The following MELK variants were observed in gnomAD, a reference collection of about 807,000 sequenced individuals.
The protein encoded by MELK is maternal embryonic leucine zipper kinase, also known as pEg3 kinase.
In MELK, 81 loss-of-function variants were observed where a neutral mutation model predicts 85.0. The observed-to-expected ratio is 0.95, with a 90% confidence interval of 0.80 to 1.15. The LOEUF (loss-of-function observed/expected upper bound fraction) is 1.15. MELK is among the 50% of genes most tolerant of loss of function. MELK has a pLI of 0.00. For missense variants in MELK, 754 were observed against 777.5 expected (o/e 0.97, Z 0.36); for synonymous variants, 252 against 265.0 (o/e 0.95, Z 0.48).
chr9:36,643,280 G>A (rs1288083281), intron 11 of MELK, among the ~76,000 whole-genome samples, 197 bp downstream of exon 11: 1 of 152,152 alleles, frequency 6.6e-6, no homozygotes, highest in Non-Finnish European at 1.5e-5. Flanking sequence ...CTACTTGGGA[G>A]GCTGAGGCAC....
intron 12 of MELK, among the ~76,000 whole-genome samples, chr9:36,654,113 A>G (rs1004606318): frequency 6.6e-6 from 1 of 152,142 alleles, no homozygotes; most frequent in African/African-American, 2.4e-5. Flanking sequence ...GGCTCCTTGA[A>G]TCAGCCAATC....
At chr9:36,601,230 AT>A (rs1824888612) in intron 7 of MELK, among the ~76,000 whole-genome samples, 1 of 152,012 alleles carries the variant, frequency 6.6e-6, no homozygotes, top group South Asian at 2.1e-4. Context: ...TTATAGTTTT[AT>A]TTTCCCCCCA....
intron 13 of MELK, among the ~76,000 whole-genome samples, chr9:36,665,124 T>G: frequency 6.6e-6 from 1 of 152,154 alleles, no homozygotes; most frequent in Non-Finnish European, 1.5e-5. Flanking sequence ...GTGTATACAC[T>G]CAGCCTGTAT....
At chr9:36,622,817 G>C (rs1375634990) in intron 8 of MELK, among the ~76,000 whole-genome samples, 1 of 152,184 alleles carries the variant, frequency 6.6e-6, no homozygotes, top group African/African-American at 2.4e-5. Context: ...TCTTAGAACA[G>C]TGTGAAAAAC....
intron 8 of MELK, among the ~76,000 whole-genome samples, chr9:36,624,628 TTGATAAAAAGGGG>T (rs777963761): frequency 1.3e-5 from 2 of 152,162 alleles, no homozygotes; most frequent in Non-Finnish European, 2.9e-5. Flanking sequence ...TCAAAATAGG[TTGATAAAAAGGGG>T]TGATAAAAAG....
intron 5 of MELK, among the ~76,000 whole-genome samples, chr9:36,596,889 C>T (rs1433484424): frequency 2.0e-5 from 3 of 152,196 alleles, no homozygotes; most frequent in South Asian, 2.1e-4. Flanking sequence ...CCCAGCCCTT[C>T]TTTTCCCTTA....
At position 36,626,353 on chromosome 9, in the gene MELK, CAGG is replaced by C. The variant is rs761646274; in HGVS notation, c.667-3944_667-3942del. Among the ~76,000 whole-genome samples, 545 of 152,278 alleles carry C rather than the reference CAGG, an allele frequency of 3.6e-3. 1 individual carries two copies. Among genetic ancestry groups the C allele is most frequent in the Non-Finnish European group, 4.3e-3 (292 of 68,030 alleles). On this transcript the variant is annotated intron_variant, in intron 8 of 17. Coordinates refer to ENST00000298048, the MANE Select transcript of MELK (RefSeq NM_014791.4). ...AACTCCCCAAACCTTTATGATTTAGCAGGATACAAGATAAGGGTAATCACCCTA... is the reference window on the plus strand; with the variant it reads ...AACTCCCCAAACCTTTATGATTTAGCATACAAGATAAGGGTAATCACCCTA...
chr9:36,581,828 C>T, intron 2 of MELK, 89 bp downstream of exon 2: 1 of 1,034,580 alleles, frequency 9.7e-7, no homozygotes, highest in Non-Finnish European at 1.4e-6. Context: ...TTTCGTCTAA[C>T]CCACACAGTT....
intron 13 of MELK, among the ~76,000 whole-genome samples, chr9:36,658,474 GT>G (rs1360655658): frequency 6.6e-6 from 1 of 152,018 alleles, no homozygotes; most frequent in Non-Finnish European, 1.5e-5. Flanking sequence ...TCCAGAATTT[GT>G]TTTGTTCTTT....
intron 3 of MELK, among the ~76,000 whole-genome samples, chr9:36,588,001 C>T (rs1587339352): frequency 1.3e-5 from 2 of 151,494 alleles, no homozygotes; most frequent in South Asian, 4.2e-4. Flanking sequence ...CTCCTGACCT[C>T]GCGATCTGCC....
chr9:36,646,959 G>A lies in MELK; in HGVS notation c.921+3876G>A, dbSNP rs76435617. On this transcript the variant is annotated intron_variant, in intron 11 of 17. Coordinates refer to ENST00000298048, the MANE Select transcript of MELK (RefSeq NM_014791.4). ...TTTCAGACATTTGACTTTCAAAAGA[G>A]GGAATTGCCTAAAAGATAAGGGAAA... 9.4e-3 allele frequency among the ~76,000 whole-genome samples: 1,430 copies of A among 152,306 alleles called. 17 individuals are homozygous for A. Among genetic ancestry groups the A allele is most frequent in the Non-Finnish European group, 0.015 (1,046 of 68,030 alleles).
chr9:36,630,465 A>T, intron 9 of MELK, 98 bp downstream of exon 9: 1 of 946,374 alleles, frequency 1.1e-6, no homozygotes, highest in Non-Finnish European at 1.7e-6. Flanking sequence ...AGCTTGAAAA[A>T]AATCCCACTC....
chr9:36,591,978 C>G (rs888258465), intron 4 of MELK, among the ~76,000 whole-genome samples: 2 of 151,778 alleles, frequency 1.3e-5, no homozygotes, highest in African/African-American at 4.8e-5. Context: ...CTCTCTTTCC[C>G]CTACATCCCA....
At chr9:36,597,030 G>T (rs1049654891) in intron 5 of MELK, among the ~76,000 whole-genome samples, 192 bp from the exon 6 acceptor site, 4 of 151,650 alleles carry the variant, frequency 2.6e-5, no homozygotes, top group South Asian at 4.2e-4. Context: ...GTGAGACCAG[G>T]TCTTTCTGTG....
At position 36,651,816 on chromosome 9, in the gene MELK, G is replaced by C; in HGVS notation, c.992G>C (p.Arg331Pro). The change falls in exon 12 of 18, where the codon CGT (arginine) becomes CCT (proline). Residue 331 changes from arginine (R) to proline (P), a missense_variant. Transcript: ENST00000298048. ...AAGAAGGCTCGGGGAAAACCAGTTC[G>C]TTTAAGGCTTTCTTCTTTCTCCTGT... is the stretch of plus-strand genomic sequence containing the variant. ...LAKKARGKPV[R>P]LRLSSFSCGQ... The C allele has an allele frequency of 6.2e-7, 1 of 1,613,988 alleles. No individual in the cohort carries two copies. The highest frequency in any genetic ancestry group is 8.5e-7 in the Non-Finnish European group (1 of 1,179,964).
chr9:36,662,636 G>A (rs922913744), intron 13 of MELK, among the ~76,000 whole-genome samples: 1 of 152,180 alleles, frequency 6.6e-6, no homozygotes, highest in African/African-American at 2.4e-5. Context: ...TGCTATTGAT[G>A]TGTCCAGTGT....
intron 7 of MELK, among the ~76,000 whole-genome samples, chr9:36,604,485 G>T (rs1437158149): frequency 6.6e-6 from 1 of 151,660 alleles, no homozygotes; most frequent in African/African-American, 2.4e-5. Context: ...TTTTAGTAGA[G>T]ACAGGGTTTG....
intron 3 of MELK, among the ~76,000 whole-genome samples, chr9:36,586,332 A>G (rs1030790353): frequency 1.2e-4 from 18 of 150,648 alleles, no homozygotes; most frequent in Non-Finnish European, 2.5e-4. Context: ...ACAGAACAAG[A>G]CCCTGTCTCC....
intron 16 of MELK, 48 bp downstream of exon 16, chr9:36,671,214 T>C (rs1832860549): frequency 2.0e-6 from 3 of 1,468,268 alleles, no homozygotes; most frequent in African/African-American, 2.9e-5. Flanking sequence ...TGACTGCTAA[T>C]GGACTGCCTT....
Sources: gnomAD v4.1 joint callset for allele counts (sites outside exome capture counted in the v4.1 genomes callset) on GRCh38, gnomAD v4.1.1 for gene constraint, MANE v1.5 for transcripts, NCBI Gene and HGNC (gene_info 2026-07-23, HGNC 2026-07-21) for gene names.